EGFR: variants seen among roughly 807,000 people sequenced by gnomAD.
The protein encoded by EGFR is epidermal growth factor receptor.
Under a neutral mutation model 143.0 loss-of-function variants are expected in EGFR, and 58 were observed. The ratio of observed to expected loss-of-function variants is 0.41; its 90% CI spans 0.33 to 0.50. The LOEUF is 0.50. Ranked by LOEUF, EGFR falls within the 20% of genes least tolerant of loss-of-function variation. The pLI, the probability that EGFR is intolerant of heterozygous loss-of-function variation, is 0.39. For missense variants in EGFR, 1,307 were observed against 1,579.0 expected, an observed-to-expected ratio of 0.83 and a Z score of 2.92; for synonymous variants, 613 against 594.4, an observed-to-expected ratio of 1.03 and a Z score of -0.45.
At position 55,174,794 on chromosome 7, in the gene EGFR, C is replaced by T. The variant is rs121913231; in HGVS notation, c.2257C>T (p.Pro753Ser). 1.2e-6 allele frequency: 2 copies of T among 1,614,082 alleles called. No homozygotes were observed. The highest frequency in any genetic ancestry group is 4.5e-5 in the East Asian group (2 of 44,884). The stretch of plus-strand genomic sequence containing the variant: ...CAAGGAATTAAGAGAAGCAACATCT[C>T]CGAAAGCCAACAAGGAAATCCTCGA... Reference protein sequence around the residue: ...AIKELREATSPKANKEILDEA... With the variant: ...AIKELREATSSKANKEILDEA... The change falls in exon 19 of 28, where the codon CCG becomes TCG. Residue 753 changes from proline to serine, a missense_variant. This residue lies in a region of EGFR where 348 missense variants were observed against 451.5 expected (regional missense o/e 0.77). Coordinates refer to ENST00000275493, the MANE Select transcript of EGFR (RefSeq NM_005228.5).
chr7:55,036,282 G>GA (rs995387898), intron 1 of EGFR, among the ~76,000 whole-genome samples: 1 of 73,548 alleles, frequency 1.4e-5, no homozygotes, highest in African/African-American at 4.9e-5. Flanking sequence ...GGGGGGGGGG[G>GA]GGTGGGTGTG....
chr7:55,027,991 AATAT>A (rs374300539), intron 1 of EGFR, among the ~76,000 whole-genome samples: 2,342 of 54,922 alleles, frequency 0.043, 59 homozygotes, highest in East Asian at 0.11. Context: ...AAAAAAAAAA[AATAT>A]ATATATATAT....
intron 1 of EGFR, among the ~76,000 whole-genome samples, chr7:55,067,342 T>C (rs1004559877): frequency 2.6e-5 from 4 of 151,524 alleles, no homozygotes; most frequent in African/African-American, 9.8e-5. Flanking sequence ...GACTCCAGAG[T>C]GTTCCACGTG....
At position 55,019,284 on chromosome 7, in the gene EGFR, C is replaced by A. The variant is rs773069229; in HGVS notation, c.7C>A (p.Pro3Thr). MR[P>T]SGTAGAALLA... ...AGCTCTTCGGGGAGCAGCGATGCGACCCTCCGGGACGGCCGGGGCAGCGCT... is the reference window on the plus strand; with the variant it reads ...AGCTCTTCGGGGAGCAGCGATGCGAACCTCCGGGACGGCCGGGGCAGCGCT... Residue 3 changes from proline (P) to threonine (T), a missense_variant, in exon 1 of 28, where the codon CCC becomes ACC. Coordinates refer to ENST00000275493, the MANE Select transcript of EGFR (RefSeq NM_005228.5). The A allele has an allele frequency of 6.6e-7, 1 of 1,504,250 alleles. No homozygotes were observed. Among genetic ancestry groups the A allele is most frequent in the South Asian group, 1.2e-5 (1 of 82,274 alleles). 93.2% of individuals were successfully genotyped at this position (1,504,250 alleles called of 1,614,324 possible).
At chr7:55,091,508 A>G (rs1791110197) in intron 1 of EGFR, among the ~76,000 whole-genome samples, 2 of 152,168 alleles carry the variant, frequency 1.3e-5, no homozygotes, top group African/African-American at 4.8e-5. Context: ...GCAGTTATCC[A>G]CACCCCTCCC....
At chr7:55,203,005 C>A (rs559427459) in intron 27 of EGFR, 2 of 456,434 alleles carry the variant, frequency 4.4e-6, no homozygotes, top group Non-Finnish European at 7.7e-6. Context: ...CTGGCTCTAT[C>A]TTGACCTGTG....
rs1788067620 is a variant in EGFR, at chr7:55,205,372, A to G, written c.3388A>G (p.Ser1130Gly). ...SRDPHYQDPH[S>G]TAVGNPEYLN... Reference sequence around the variant, plus strand: ...AGACCCACACTACCAGGACCCCCACAGCACTGCAGTGGGCAACCCCGAGTA... The same window carrying G: ...AGACCCACACTACCAGGACCCCCACGGCACTGCAGTGGGCAACCCCGAGTA... The change falls in exon 28 of 28, where the codon AGC becomes GGC. Residue 1130 changes from serine to glycine, a missense_variant. Coordinates refer to ENST00000275493, the MANE Select transcript of EGFR (RefSeq NM_005228.5). 6.2e-7 allele frequency: 1 copy of G among 1,613,880 alleles called. No homozygotes were observed. Among genetic ancestry groups the G allele is most frequent in the Non-Finnish European group, 8.5e-7 (1 of 1,179,822 alleles).
At chr7:55,137,458 T>C (rs762633903) in intron 1 of EGFR, among the ~76,000 whole-genome samples, 1 of 152,160 alleles carries the variant, frequency 6.6e-6, no homozygotes, top group Non-Finnish European at 1.5e-5. Flanking sequence ...CACCCCATAA[T>C]AGCAGAGGAA....
At chr7:55,050,881 C>G (rs113675371) in intron 1 of EGFR, among the ~76,000 whole-genome samples, 7 of 152,234 alleles carry the variant, frequency 4.6e-5, no homozygotes, top group African/African-American at 1.7e-4. Context: ...GCAGCACACG[C>G]CCCCTCCATG....
intron 19 of EGFR, among the ~76,000 whole-genome samples, chr7:55,175,445 C>A (rs1391024436): frequency 6.6e-6 from 1 of 152,178 alleles, no homozygotes; most frequent in Non-Finnish European, 1.5e-5. Context: ...TTCTTACTAC[C>A]AATTCTATTG....
intron 20 of EGFR, among the ~76,000 whole-genome samples, chr7:55,190,995 C>T (rs767276201): frequency 2.6e-5 from 4 of 152,100 alleles, no homozygotes; most frequent in African/African-American, 4.8e-5. Context: ...CACCAGAGGC[C>T]GTGGGTCAGG....
intron 17 of EGFR, among the ~76,000 whole-genome samples, chr7:55,173,710 C>T (rs1424056981): frequency 6.6e-6 from 1 of 152,254 alleles, no homozygotes; most frequent in Non-Finnish European, 1.5e-5. Flanking sequence ...TTAAAGAACA[C>T]CTGTATCAGA....
At chr7:55,082,786 G>A (rs1043178978) in intron 1 of EGFR, among the ~76,000 whole-genome samples, 6 of 152,190 alleles carry the variant, frequency 3.9e-5, no homozygotes, top group Middle Eastern at 3.2e-3. Context: ...AGAAGCTGCA[G>A]ATTTATTTGC....
chr7:55,106,591 C>G (rs550382000), intron 1 of EGFR, among the ~76,000 whole-genome samples: 1 of 152,306 alleles, frequency 6.6e-6, no homozygotes, highest in Admixed American at 6.5e-5. Context: ...CTGTGCACTC[C>G]ACAATCCACA....
chr7:55,058,963 A>G (rs146402742), intron 1 of EGFR, among the ~76,000 whole-genome samples: 257 of 152,372 alleles, frequency 1.7e-3, no homozygotes, highest in African/African-American at 6.0e-3. Flanking sequence ...TAAGTTTCTC[A>G]GAGATGGTAA....
At chr7:55,201,680 G>T (rs1787855198) in intron 25 of EGFR, 55 bp from the exon 26 acceptor site, 4 of 1,606,116 alleles carry the variant, frequency 2.5e-6, no homozygotes, top group Middle Eastern at 1.7e-4. Flanking sequence ...TTCAGGAAAA[G>T]TGGATGAGAT....
At chr7:55,063,141 T>C (rs1789288932) in intron 1 of EGFR, among the ~76,000 whole-genome samples, 1 of 152,276 alleles carries the variant, frequency 6.6e-6, no homozygotes, top group East Asian at 1.9e-4. Context: ...AAAGAACACA[T>C]GGGGGTCAAG....
At chr7:55,185,300 T>C (rs1787083869) in intron 20 of EGFR, among the ~76,000 whole-genome samples, 1 of 152,178 alleles carries the variant, frequency 6.6e-6, no homozygotes, top group Non-Finnish European at 1.5e-5. Flanking sequence ...ACCACTTGCT[T>C]ACTAGCCAGA....
At position 55,032,289 on chromosome 7, in the gene EGFR, G is replaced by T. The variant is rs189995220; in HGVS notation, c.88+12924G>T. Among the ~76,000 whole-genome samples, 5 of 152,296 alleles carry T rather than the reference G, an allele frequency of 3.3e-5. No individual in the cohort carries two copies. The East Asian group carries it at 9.6e-4, about 29-fold the overall frequency. Reference sequence around the variant, plus strand: ...CAATTCAGTGGTATCATCCTTAGAGGCAGACAGAGGATGATTAAATCATTC... The same window carrying T: ...CAATTCAGTGGTATCATCCTTAGAGTCAGACAGAGGATGATTAAATCATTC... On this transcript the variant is annotated intron_variant, in intron 1 of 27. Coordinates refer to ENST00000275493, the MANE Select transcript of EGFR (RefSeq NM_005228.5).
Sources: gnomAD v4.1 joint callset for allele counts (sites outside exome capture counted in the v4.1 genomes callset) on GRCh38, gnomAD v4.1.1 for gene constraint, gnomAD v4.1.1 regional missense constraint, MANE v1.5 for transcripts, NCBI Gene and HGNC (gene_info 2026-07-23, HGNC 2026-07-21) for gene names.